Variants in SCAMP2 observed in about 807,000 individuals in gnomAD.
The protein encoded by SCAMP2 is secretory carrier membrane protein 2.
SCAMP2 carries 25 observed loss-of-function variants against 44.1 expected under a neutral mutation model. That is an observed-to-expected ratio of 0.57 (90% CI 0.41 to 0.79). The LOEUF (loss-of-function observed/expected upper bound fraction) is 0.79. SCAMP2 is among the 30% of genes least tolerant of loss of function. The pLI is 0.00. For missense variants in SCAMP2, 355 were observed against 411.0 expected, an observed-to-expected ratio of 0.86 and a Z score of 1.18; for synonymous variants, 156 against 166.0, an observed-to-expected ratio of 0.94 and a Z score of 0.46.
chr15:74,848,284 T>C (rs1409326096), intron 7 of SCAMP2: 3 of 222,668 alleles, frequency 1.3e-5, no homozygotes, highest in Non-Finnish European at 2.6e-5. Context: ...TCCTAGGCTG[T>C]CTCGAACTCC....
chr15:74,847,624 C>T (rs893788804), intron 7 of SCAMP2, among the ~76,000 whole-genome samples: 1 of 152,220 alleles, frequency 6.6e-6, no homozygotes, highest in Non-Finnish European at 1.5e-5. Context: ...GACTTGCCAG[C>T]TCTGCCAGAG....
chr15:74,845,088 T>G lies in SCAMP2; in HGVS notation c.985A>C (p.Asn329His). 6.2e-7 allele frequency: 1 copy of G among 1,612,970 alleles called. No homozygotes were observed. Among genetic ancestry groups the G allele is most frequent in the Non-Finnish European group, 8.5e-7 (1 of 1,179,324 alleles). The stretch of plus-strand genomic sequence containing the variant: ...GGGGAGAGAAGAGAGGAGGACTAAT[T>G]CCCCTGGAAGGCTCCTTGGGCAGCA... ...SSAAQGAFQG[N>H] The change falls in exon 9 of 9, where the codon AAT becomes CAT. Residue 329 changes from asparagine to histidine, a missense_variant. Coordinates refer to ENST00000268099, the MANE Select transcript of SCAMP2 (RefSeq NM_005697.5).
At chr15:74,845,267 G>A (rs751820605) in intron 8 of SCAMP2, 50 bp from the exon 9 acceptor site, 3 of 1,600,948 alleles carry the variant, frequency 1.9e-6, no homozygotes, top group South Asian at 2.2e-5. Context: ...GGCCCACCAG[G>A]AAGCCAGCCA....
intron 8 of SCAMP2, 63 bp downstream of exon 8, chr15:74,845,410 C>CA (rs1567247806): frequency 6.2e-7 from 1 of 1,612,162 alleles, no homozygotes; most frequent in Non-Finnish European, 8.5e-7. Context: ...CATCTCGTGG[C>CA]AAGGGCAGGA....
chr15:74,873,098 G>A lies in SCAMP2; in HGVS notation c.57+101C>T, dbSNP rs1596429774. On this transcript the variant is annotated intron_variant, in intron 1 of 8. Transcript: ENST00000268099. ...CGCTCTCCCATTGGGCAGATGACCC[G>A]TCCCTCCTACGCCACGTCTCCCGGC... 3.8e-6 allele frequency: 4 copies of A among 1,060,778 alleles called. No individual in the cohort carries two copies. In the East Asian group the frequency reaches 1.3e-4, roughly 35 times the overall value. 65.7% of individuals were successfully genotyped at this position (1,060,778 alleles called of 1,614,324 possible).
intron 1 of SCAMP2, among the ~76,000 whole-genome samples, chr15:74,858,015 C>T (rs558736961): frequency 2.6e-4 from 40 of 152,302 alleles, no homozygotes; most frequent in Non-Finnish European, 4.4e-4. Context: ...CCTGGAAGCA[C>T]GTTGCCTAGG....
At chr15:74,857,126 G>A (rs1009960887) in intron 1 of SCAMP2, among the ~76,000 whole-genome samples, 2 of 152,150 alleles carry the variant, frequency 1.3e-5, no homozygotes, top group African/African-American at 4.8e-5. Flanking sequence ...CCAGTTCATA[G>A]AGGGTATGAA....
chr15:74,847,788 G>A (rs1441587577), intron 7 of SCAMP2, among the ~76,000 whole-genome samples: 1 of 152,188 alleles, frequency 6.6e-6, no homozygotes, highest in African/African-American at 2.4e-5. Flanking sequence ...GAGGACTGAG[G>A]TACCCTGGAA....
At chr15:74,853,803 C>G in intron 3 of SCAMP2, 1 of 585,104 alleles carries the variant, frequency 1.7e-6, no homozygotes, top group East Asian at 2.9e-5. Flanking sequence ...GAGCTTATTT[C>G]TCAGTGGTGG....
intron 4 of SCAMP2, chr15:74,851,814 C>T: frequency 2.2e-6 from 1 of 452,366 alleles, no homozygotes; most frequent in Non-Finnish European, 3.9e-6. Context: ...GGACCAAAGC[C>T]CCTATGCTAT....
At chr15:74,850,394 G>A (rs2064427348) in intron 6 of SCAMP2, 120 bp downstream of exon 6, 1 of 974,954 alleles carries the variant, frequency 1.0e-6, no homozygotes, top group Admixed American at 2.3e-5. Flanking sequence ...TAGGGAAAGT[G>A]GATTTCCCTA....
At chr15:74,853,612 AT>A in intron 3 of SCAMP2, 1 of 374,520 alleles carries the variant, frequency 2.7e-6, no homozygotes, top group Non-Finnish European at 5.3e-6. Flanking sequence ...GATTCACAGT[AT>A]TTGGTGAAGG....
chr15:74,863,081 A>G (rs12591154), intron 1 of SCAMP2, among the ~76,000 whole-genome samples: 2,824 of 151,928 alleles, frequency 0.019, 223 homozygotes, highest in Admixed American at 0.14. Context: ...GCAGTGGCTC[A>G]TACCTGTAAT....
chr15:74,852,959 C>G (rs1374089918), intron 3 of SCAMP2: 3 of 156,686 alleles, frequency 1.9e-5, no homozygotes, highest in African/African-American at 7.2e-5. Flanking sequence ...CCAGGTTCCT[C>G]CTGAAGGATG....
rs770692751 is a variant in SCAMP2 at position 74,853,050 on chromosome 15, CAT to C, written c.226-866_226-865del. The C allele has an allele frequency of 9.9e-5, 21 of 212,752 alleles. 1 individual carries two copies. The highest frequency in any genetic ancestry group is 1.6e-4 in the Non-Finnish European group (16 of 102,702). The allele number at this position is 212,752 out of a possible 1,614,324, so 13.2% of individuals were successfully genotyped here. A position where few individuals can be genotyped will look rare whatever the true frequency, so the allele number is the denominator to read the frequency against. ...AACCAGGCACATGTGTACACACACA[CAT>C]GTATACACACACCAACCTCTCCAAA... On this transcript the variant is annotated intron_variant, in intron 3 of 8. Coordinates refer to ENST00000268099, the MANE Select transcript of SCAMP2 (RefSeq NM_005697.5).
rs2141184628 is a variant in SCAMP2, at chr15:74,871,961, C to G, written c.57+1238G>C. 1.3e-5 allele frequency among the ~76,000 whole-genome samples: 2 copies of G among 151,502 alleles called. 1 individual carries two copies. The highest frequency in any genetic ancestry group is 4.2e-4 in the South Asian group (2 of 4,798). ...TCGGGAGGCTGAAGCACGAGAATCA[C>G]TTGAACCCAGGAGGCTGAGGCTGCA... On this transcript the variant is annotated intron_variant, in intron 1 of 8. Transcript: ENST00000268099.
At position 74,856,259 on chromosome 15, in the gene SCAMP2, CAGTTCT is replaced by C. The variant is rs1227567988; in HGVS notation, c.58-1616_58-1611del. Among the ~76,000 whole-genome samples the C allele has an allele frequency of 6.2e-4, 88 of 142,300 alleles. 2 individuals carry two copies. Among genetic ancestry groups the C allele is most frequent in the Admixed American group, 6.0e-3 (81 of 13,586 alleles). 93.4% of individuals were successfully genotyped at this position (142,300 alleles called of 152,430 possible). On this transcript the variant is annotated intron_variant, in intron 1 of 8. Transcript: ENST00000268099. Reference sequence around the variant, plus strand: ...CCTCCACTGGAAGCCTCTGCAGAGCCAGTTCTTTTTTTTTTTTTTTTTTTTTTTTTT... The same window carrying C: ...CCTCCACTGGAAGCCTCTGCAGAGCCTTTTTTTTTTTTTTTTTTTTTTTTT...
chr15:74,857,416 G>A (rs889797678), intron 1 of SCAMP2, among the ~76,000 whole-genome samples: 3 of 152,202 alleles, frequency 2.0e-5, no homozygotes, highest in African/African-American at 4.8e-5. Flanking sequence ...GGAAGATTTG[G>A]GGCTTGGTAT....
chr15:74,867,484 C>T (rs563567641), intron 1 of SCAMP2, among the ~76,000 whole-genome samples: 8 of 152,328 alleles, frequency 5.3e-5, no homozygotes, highest in African/African-American at 1.9e-4. Context: ...TGTCTGTAGT[C>T]ACAGTGAAGC....
Sources: allele counts gnomAD v4.1 joint callset (sites outside exome capture counted in the v4.1 genomes callset), GRCh38; gene constraint gnomAD v4.1.1; transcripts MANE v1.5; gene names NCBI Gene and HGNC (gene_info 2026-07-23, HGNC 2026-07-21).